The following EPB41L4A variants were observed in gnomAD, a reference collection of about 807,000 sequenced individuals.
EPB41L4A encodes erythrocyte membrane protein band 4.1 like 4A.
A neutral mutation model predicts 108.6 loss-of-function variants in EPB41L4A; 100 were observed. That is an observed-to-expected ratio of 0.92 (90% CI 0.78 to 1.09). The LOEUF (loss-of-function observed/expected upper bound fraction) is 1.09, where lower values mean the gene tolerates loss of function less well. Ranked by LOEUF, EPB41L4A falls within the 50% of genes least tolerant of loss-of-function variation. The probability of loss-of-function intolerance (pLI) is 0.00; values close to 1 mark genes in which losing one functional copy is unlikely to be tolerated. For missense variants in EPB41L4A, 1,030 were observed against 842.7 expected (o/e 1.22, Z -2.75); for synonymous variants, 319 against 289.0 (o/e 1.10, Z -1.05).
intron 1 of EPB41L4A, among the ~76,000 whole-genome samples, chr5:112,317,795 T>C (rs529726183): frequency 6.6e-5 from 10 of 152,344 alleles, no homozygotes; most frequent in African/African-American, 1.7e-4. Flanking sequence ...TATAAAACTA[T>C]TTTTGTTGAC....
intron 12 of EPB41L4A, among the ~76,000 whole-genome samples, chr5:112,221,943 A>T (rs1377974886): frequency 6.6e-6 from 1 of 152,244 alleles, no homozygotes; most frequent in Non-Finnish European, 1.5e-5. Context: ...ATGGAAAATA[A>T]GCCTAAGTTT....
chr5:112,265,892 T>C (rs1751817035), intron 5 of EPB41L4A, among the ~76,000 whole-genome samples: 1 of 152,168 alleles, frequency 6.6e-6, no homozygotes, highest in Non-Finnish European at 1.5e-5. Context: ...AGCAATGGGA[T>C]CTCTGACACA....
At chr5:112,146,734 C>T (rs143517702) in intron 12 of EPB41L4A, among the ~76,000 whole-genome samples, 1,574 of 152,216 alleles carry the variant, frequency 0.01, 15 homozygotes, top group Middle Eastern at 0.065. Flanking sequence ...ATAATTTAAC[C>T]CTCGTTGCTA....
chr5:112,149,564 G>C (rs1424125758), intron 12 of EPB41L4A, among the ~76,000 whole-genome samples: 1 of 152,150 alleles, frequency 6.6e-6, no homozygotes, highest in Non-Finnish European at 1.5e-5. Context: ...AGTTGAAAAA[G>C]CAGGATTAGT....
Position 112,275,396 on chromosome 5 carries a change from G to A in EPB41L4A, c.265C>T (p.Pro89Ser). The A allele has an allele frequency of 6.5e-7, 1 of 1,541,558 alleles. No homozygotes were observed. Among genetic ancestry groups the A allele is most frequent in the Non-Finnish European group, 8.8e-7 (1 of 1,138,494 alleles). ...EHKELINTGP[P>S]YTLYFGIKFY... The stretch of plus-strand genomic sequence containing the variant: ...TTAATACCAAAATACAAAGTATATG[G>A]AGGTCCAGCTAAAATAAGAAATAGA... Residue 89 changes from proline to serine, a missense_variant, in exon 4 of 23, where the codon CCA (proline) becomes TCA (serine). By Grantham distance (74) the Pro-to-Ser change is moderately conservative. Transcript: ENST00000261486.
At chr5:112,278,316 C>T (rs1752736835) in intron 3 of EPB41L4A, among the ~76,000 whole-genome samples, 1 of 149,590 alleles carries the variant, frequency 6.7e-6, no homozygotes, top group Non-Finnish European at 1.5e-5. Context: ...GTGGTGGGAT[C>T]TCAGGTCACT....
downstream of EPB41L4A, among the ~76,000 whole-genome samples, chr5:112,142,257 TTCTG>T (rs1759098046): frequency 6.6e-6 from 1 of 152,224 alleles, no homozygotes; most frequent in Non-Finnish European, 1.5e-5. Flanking sequence ...GCTCTCTTTC[TTCTG>T]TCTGTCGACA....
chr5:112,204,536 G>A, intron 14 of EPB41L4A, 48 bp from the exon 15 acceptor site: 1 of 1,267,610 alleles, frequency 7.9e-7, no homozygotes, highest in Non-Finnish European at 1.2e-6. Context: ...AGTTCCTGGG[G>A]GAAAACACAC....
chr5:112,414,874 G>A (rs1442086928), intron 1 of EPB41L4A, among the ~76,000 whole-genome samples: 1 of 152,142 alleles, frequency 6.6e-6, no homozygotes, highest in Admixed American at 6.5e-5. Flanking sequence ...ATGCAGGAGA[G>A]ACACTTTCTA....
intron 1 of EPB41L4A, among the ~76,000 whole-genome samples, chr5:112,377,842 G>A (rs936291093): frequency 4.0e-5 from 6 of 151,538 alleles, no homozygotes; most frequent in African/African-American, 1.2e-4. Flanking sequence ...ACACAAATTG[G>A]GAAGAGAAAA....
rs1268406563 is a variant in EPB41L4A at position 112,259,292 on chromosome 5, C to G, written c.732G>C (p.Trp244Cys). Residue 244 changes from tryptophan to cysteine, a missense_variant and splice_region_variant, in exon 9 of 23, where the codon TGG becomes TGC. Coordinates refer to ENST00000261486, the MANE Select transcript of EPB41L4A (RefSeq NM_022140.5). ...KNKKQVGKYFWPRITKVHFKE... is the reference protein window; with the variant it reads ...KNKKQVGKYFCPRITKVHFKE... ...TGAAGTGAACCTTTGTAATCCGAGG[C>G]CTAAAAAACAAAGCAGATGGTGTTG... The G allele has an allele frequency of 1.9e-6, 3 of 1,613,358 alleles. No individual in the cohort carries two copies. The highest frequency in any genetic ancestry group is 1.6e-4 in the Middle Eastern group (1 of 6,082).
At chr5:112,281,985 G>A (rs1410594098) in intron 2 of EPB41L4A, among the ~76,000 whole-genome samples, 1 of 151,942 alleles carries the variant, frequency 6.6e-6, no homozygotes, top group Non-Finnish European at 1.5e-5. Context: ...ACATATCTAA[G>A]TGTAGCAACT....
intron 1 of EPB41L4A, among the ~76,000 whole-genome samples, chr5:112,368,235 C>T (rs1447267798): frequency 2.0e-5 from 3 of 152,002 alleles, no homozygotes; most frequent in African/African-American, 7.3e-5. Context: ...TCATATTTAC[C>T]TCATCTCTTT....
At chr5:112,362,641 T>C (rs1354479088) in intron 1 of EPB41L4A, among the ~76,000 whole-genome samples, 1 of 152,134 alleles carries the variant, frequency 6.6e-6, no homozygotes, top group Non-Finnish European at 1.5e-5. Flanking sequence ...TTAATAGCAA[T>C]TCCATAAAAG....
chr5:112,244,682 T>C (rs1452743054), intron 9 of EPB41L4A, among the ~76,000 whole-genome samples: 1 of 152,180 alleles, frequency 6.6e-6, no homozygotes, highest in Non-Finnish European at 1.5e-5. Flanking sequence ...CCAGTTGATC[T>C]GCGCCATCTT....
chr5:112,232,941 G>A (rs1038621049), intron 12 of EPB41L4A, among the ~76,000 whole-genome samples: 26 of 152,058 alleles, frequency 1.7e-4, no homozygotes, highest in Non-Finnish European at 2.5e-4. Context: ...ACAAACTAAC[G>A]TCAGCAATAT....
At chr5:112,272,288 C>T (rs1752313385) in intron 4 of EPB41L4A, among the ~76,000 whole-genome samples, 1 of 151,428 alleles carries the variant, frequency 6.6e-6, no homozygotes, top group African/African-American at 2.4e-5. Context: ...GTACAGGTGC[C>T]CGCCGCCACG....
chr5:112,271,924 C>A, intron 4 of EPB41L4A, among the ~76,000 whole-genome samples: 1 of 152,248 alleles, frequency 6.6e-6, no homozygotes, highest in East Asian at 1.9e-4. Context: ...GAAAGTCCCC[C>A]CAGTTTCATT....
chr5:112,173,822 T>G (rs1371782179), intron 18 of EPB41L4A: 1 of 152,126 alleles, frequency 6.6e-6, no homozygotes, highest in Non-Finnish European at 1.5e-5. Context: ...TTTTGTATTT[T>G]TAGTAGAGAC....
Sources: gnomAD v4.1 joint callset for allele counts (sites outside exome capture counted in the v4.1 genomes callset) on GRCh38, gnomAD v4.1.1 for gene constraint, MANE v1.5 for transcripts, NCBI Gene and HGNC (gene_info 2026-07-23, HGNC 2026-07-21) for gene names.